TOP1MT: variants seen among roughly 807,000 people sequenced by gnomAD.
TOP1MT encodes DNA topoisomerase I, mitochondrial.
In TOP1MT, 80 loss-of-function variants were observed where a neutral mutation model predicts 73.9. That is an observed-to-expected ratio of 1.08 (90% confidence interval 0.90 to 1.30). TOP1MT has a LOEUF of 1.30. Ranked by LOEUF, TOP1MT falls within the 50% of genes most tolerant of loss-of-function variation. The pLI is 0.00. For missense variants in TOP1MT, 815 were observed against 808.0 expected (o/e 1.01, Z -0.10); for synonymous variants, 338 against 326.4 (o/e 1.04, Z -0.38).
chr8:143,318,882 C>G (rs1306936781), intron 8 of TOP1MT, among the ~76,000 whole-genome samples: 2 of 152,226 alleles, frequency 1.3e-5, no homozygotes, highest in African/African-American at 4.8e-5. Context: ...TTCCTCTACA[C>G]GTTTGGTTTC....
At chr8:143,311,638 C>G (rs1816017100) in intron 12 of TOP1MT, among the ~76,000 whole-genome samples, 1 of 151,960 alleles carries the variant, frequency 6.6e-6, no homozygotes, top group South Asian at 2.1e-4. Flanking sequence ...CCCAGCTACT[C>G]AGGAGGCTGA....
At chr8:143,346,329 A>G (rs912309783), upstream of TOP1MT, among the ~76,000 whole-genome samples, 1 of 152,266 alleles carries the variant, frequency 6.6e-6, no homozygotes, top group African/African-American at 2.4e-5. Context: ...ATCTTCATAG[A>G]GCACTTTTAC....
chr8:143,324,222 C>A, intron 6 of TOP1MT, 80 bp from the exon 7 acceptor site: 1 of 1,566,432 alleles, frequency 6.4e-7, no homozygotes, highest in East Asian at 2.2e-5. Context: ...CTCCCTCCCC[C>A]AAACCTCGTG....
chr8:143,321,444 G>C, intron 7 of TOP1MT, 58 bp from the exon 8 acceptor site: 2 of 1,421,950 alleles, frequency 1.4e-6, no homozygotes, highest in Non-Finnish European at 9.5e-7. Context: ...CCACACACAC[G>C]CACGCCACAC....
At position 143,325,414 on chromosome 8, in the gene TOP1MT, G is replaced by A. The variant is rs143457706; in HGVS notation, c.603C>T (p.Gly201=). ...IEPPGLFRGR[G]DHPKMGMLKR... ...TCAGCATCCCCATCTTGGGATGGTC[G>A]CCACGGCCACGGAACAAGCCAGGCG... Residue 201 remains glycine, a synonymous_variant, in exon 5 of 14, where the codon GGC becomes GGT. Transcript: ENST00000329245. The A allele has an allele frequency of 1.2e-6, 2 of 1,612,530 alleles. No homozygotes were observed. The highest frequency in any genetic ancestry group is 1.1e-5 in the South Asian group (1 of 91,060).
chr8:143,359,445 G>A, upstream of TOP1MT: 1 of 985,136 alleles, frequency 1.0e-6, no homozygotes, highest in Non-Finnish European at 1.2e-6. Context: ...AGCGACGGCC[G>A]TTTCCAGACC....
chr8:143,354,345 T>G (rs2130474565), intron 1 of TOP1MT, among the ~76,000 whole-genome samples: 1 of 152,146 alleles, frequency 6.6e-6, no homozygotes, highest in Middle Eastern at 3.4e-3. Flanking sequence ...ATATCCAGAA[T>G]AAGCAAATCC....
At chr8:143,322,361 C>A (rs1816461846) in intron 7 of TOP1MT, among the ~76,000 whole-genome samples, 1 of 82,580 alleles carries the variant, frequency 1.2e-5, no homozygotes, top group Non-Finnish European at 2.6e-5. Context: ...ACACGCACGC[C>A]ACACACACAG....
intron 2 of TOP1MT, among the ~76,000 whole-genome samples, chr8:143,342,179 TA>T (rs1412591411): frequency 1.9e-5 from 2 of 102,760 alleles, no homozygotes; most frequent in African/African-American, 1.2e-4. Flanking sequence ...CTGTTATTAT[TA>T]GAGACAGTCT....
chr8:143,325,896 T>G lies in TOP1MT; in HGVS notation c.483+326A>C, dbSNP rs562106470. Among the ~76,000 whole-genome samples, 151 of 152,274 alleles carry G rather than the reference T, an allele frequency of 9.9e-4. 3 individuals are homozygous for G. The South Asian group carries it at 0.03, about 30-fold the overall frequency. ...GAGATCACAGCACGGCAGGTTCCTGTTAGATGTAGGGAGACGCATGGCACA... is the reference window on the plus strand; with the variant it reads ...GAGATCACAGCACGGCAGGTTCCTGGTAGATGTAGGGAGACGCATGGCACA... On this transcript the variant is annotated intron_variant, in intron 4 of 13. Coordinates refer to ENST00000329245, the MANE Select transcript of TOP1MT (RefSeq NM_052963.3).
At chr8:143,342,741 C>T (rs10111491) in intron 2 of TOP1MT, among the ~76,000 whole-genome samples, 4,352 of 90,834 alleles carry the variant, frequency 0.048, 367 homozygotes, top group Non-Finnish European at 0.084. Flanking sequence ...GACAGAGTCT[C>T]GCTCTGTTAT....
At chr8:143,322,909 C>G (rs1221833438) in intron 7 of TOP1MT, among the ~76,000 whole-genome samples, 1 of 79,812 alleles carries the variant, frequency 1.3e-5, no homozygotes, top group Non-Finnish European at 2.8e-5. Flanking sequence ...ACGCCACACA[C>G]GCACGCCACA....
At chr8:143,336,074 A>G (rs1219169500), upstream of TOP1MT, among the ~76,000 whole-genome samples, 1 of 152,274 alleles carries the variant, frequency 6.6e-6, no homozygotes, top group Non-Finnish European at 1.5e-5. Flanking sequence ...TCTACAAACC[A>G]GAAGAGGGCC....
chr8:143,328,297 T>C, intron 3 of TOP1MT: 3 of 455,266 alleles, frequency 6.6e-6, no homozygotes, highest in Admixed American at 2.4e-5. Flanking sequence ...ATTCACAGCA[T>C]GTGCGTCTGG....
upstream of TOP1MT, among the ~76,000 whole-genome samples, chr8:143,336,936 C>T (rs139643291): frequency 1.0e-3 from 154 of 152,210 alleles, 1 homozygote; most frequent in African/African-American, 3.2e-3. Context: ...TAACCAGTAG[C>T]CATACGCAAA....
At chr8:143,314,607 A>C (rs1242094859) in intron 12 of TOP1MT, among the ~76,000 whole-genome samples, 1 of 150,942 alleles carries the variant, frequency 6.6e-6, no homozygotes, top group Non-Finnish European at 1.5e-5. Flanking sequence ...AAAAAAAAAA[A>C]TCACAAAATA....
chr8:143,324,116 T>C lies in TOP1MT; in HGVS notation c.843A>G (p.Glu281=). ...LKGETAWQKF[E]TARRLRGFVD... ...CAAATCCCCGCAGGCGTCGAGCTGTTTCAAACTTCTGCCAAGCTGTCTCCC... is the reference window on the plus strand; with the variant it reads ...CAAATCCCCGCAGGCGTCGAGCTGTCTCAAACTTCTGCCAAGCTGTCTCCC... Residue 281 remains glutamate, a synonymous_variant, in exon 7 of 14, where the codon GAA becomes GAG. Coordinates refer to ENST00000329245, the MANE Select transcript of TOP1MT (RefSeq NM_052963.3). 1 of 1,613,786 alleles carries C rather than the reference T, an allele frequency of 6.2e-7. No individual in the cohort carries two copies. The highest frequency in any genetic ancestry group is 8.5e-7 in the Non-Finnish European group (1 of 1,180,022).
chr8:143,359,483 G>C, upstream of TOP1MT: 2 of 958,674 alleles, frequency 2.1e-6, no homozygotes, highest in Non-Finnish European at 2.5e-6. Flanking sequence ...GACCGGCACC[G>C]CTGGCCAGGT....
upstream of TOP1MT, chr8:143,359,170 G>C (rs1817462080): frequency 2.1e-6 from 2 of 957,290 alleles, no homozygotes; most frequent in African/African-American, 3.5e-5. Context: ...ATGCTGCATA[G>C]AGACTCCCCT....
Sources: allele counts gnomAD v4.1 joint callset (sites outside exome capture counted in the v4.1 genomes callset), GRCh38; gene constraint gnomAD v4.1.1; transcripts MANE v1.5; gene names NCBI Gene and HGNC (gene_info 2026-07-23, HGNC 2026-07-21).